MAGED1: variants seen among roughly 807,000 people sequenced by gnomAD.
The protein encoded by MAGED1 is melanoma-associated antigen D1.
Under a neutral mutation model 54.1 loss-of-function variants are expected in MAGED1, and 3 were observed. The ratio of observed to expected loss-of-function variants is 0.06; its 90% CI spans 0.03 to 0.14. The LOEUF is 0.14. Among genes scored for constraint, MAGED1 ranks in the 10% least tolerant of loss-of-function variants. The pLI is 1.00. For synonymous variants in MAGED1, 217 were observed against 227.3 expected (o/e 0.95, Z 0.41); for missense variants, 485 against 623.4 (o/e 0.78, Z 2.36).
chrX:51,844,095 G>C (rs1926599939), intron 1 of MAGED1, among the ~76,000 whole-genome samples: 1 of 111,645 alleles, frequency 9.0e-6, no homozygotes, highest in Non-Finnish European at 1.9e-5. Context: ...AGCACAGAAG[G>C]AAATAAGGAA....
intron 3 of MAGED1, 198 bp from the exon 4 acceptor site, chrX:51,896,211 T>C (rs1036506284): frequency 1.4e-5 from 6 of 438,542 alleles, no homozygotes; most frequent in Admixed American, 8.3e-5. Flanking sequence ...AGGCCCCATC[T>C]TTGGGTTGCT....
intron 1 of MAGED1, among the ~76,000 whole-genome samples, chrX:51,837,674 C>T (rs982414505): frequency 5.4e-5 from 6 of 112,028 alleles, no homozygotes; most frequent in Non-Finnish European, 1.1e-4. Context: ...CCTATATTAA[C>T]GCATGAGAGG....
At chrX:51,879,776 G>A (rs1267060228) in intron 1 of MAGED1, among the ~76,000 whole-genome samples, 2 of 111,753 alleles carry the variant, frequency 1.8e-5, no homozygotes, top group African/African-American at 3.2e-5. Context: ...TTCTCTGACA[G>A]GTCCAAAAAA....
At chrX:51,813,351 C>T (rs1925297573) in intron 1 of MAGED1, among the ~76,000 whole-genome samples, 1 of 111,200 alleles carries the variant, frequency 9.0e-6, no homozygotes, top group African/African-American at 3.3e-5. Context: ...AGCCTCACCT[C>T]TCCCTCTTCA....
At chrX:51,845,843 A>G (rs1179305722) in intron 1 of MAGED1, among the ~76,000 whole-genome samples, 1 of 111,312 alleles carries the variant, frequency 9.0e-6, no homozygotes, top group Non-Finnish European at 1.9e-5. Flanking sequence ...TGGCGTGACC[A>G]TGGCTCACTG....
chrX:51,892,954 A>G (rs1336935777), upstream of MAGED1, among the ~76,000 whole-genome samples: 1 of 110,957 alleles, frequency 9.0e-6, no homozygotes, highest in Non-Finnish European at 1.9e-5. Context: ...TCCTGCTGTG[A>G]TGTACAAGCT....
chrX:51,847,284 C>A (rs1465883019), intron 1 of MAGED1, among the ~76,000 whole-genome samples: 1 of 111,459 alleles, frequency 9.0e-6, no homozygotes, highest in African/African-American at 3.3e-5. Flanking sequence ...TTTTGGGTCA[C>A]GTTTTTGGAC....
intron 1 of MAGED1, among the ~76,000 whole-genome samples, chrX:51,829,200 A>G (rs1569555560): frequency 8.9e-6 from 1 of 111,817 alleles, no homozygotes; most frequent in African/African-American, 3.2e-5. Flanking sequence ...TCAAGGAAAA[A>G]TAAGTATTCA....
chrX:51,897,322 G>T lies in MAGED1; in HGVS notation c.1486+51G>T. The T allele has an allele frequency of 6.4e-6, 7 of 1,094,426 alleles. No homozygotes were observed. The South Asian group carries it at 1.3e-4, about 21-fold the overall frequency. 90.2% of individuals were successfully genotyped at this position (1,094,426 alleles called of 1,213,427 possible). ...AGCTCTGCCCTTCCCTTCACTCCAT[G>T]CTCTGTCAGCATTCTTCTGCTTGTA... On this transcript the variant is annotated intron_variant, in intron 5 of 12. Coordinates refer to ENST00000326587, the MANE Select transcript of MAGED1 (RefSeq NM_006986.4).
chrX:51,820,752 G>A (rs782056698), intron 1 of MAGED1, among the ~76,000 whole-genome samples: 59 of 111,725 alleles, frequency 5.3e-4, no homozygotes, highest in South Asian at 1.5e-3. Context: ...TCATTTCCTT[G>A]TGGTAAGAAC....
In MAGED1 at chrX:51,894,636, G is replaced by T. The variant is rs781866143; in HGVS notation, c.45+287G>T. ...TTTTTTTTTTTTCCAGAATCCTGAC[G>T]CTTGTAGAGCAGTCTGTCACCCCCT... On this transcript the variant is annotated intron_variant, in intron 2 of 12. Coordinates refer to ENST00000326587, the MANE Select transcript of MAGED1 (RefSeq NM_006986.4). 5.9e-6 allele frequency: 7 copies of T among 1,188,513 alleles called. No homozygotes were observed. In the Admixed American group the frequency reaches 1.7e-4, roughly 28 times the overall value.
At chrX:51,854,824 T>C (rs1927028369) in intron 1 of MAGED1, among the ~76,000 whole-genome samples, 1 of 111,222 alleles carries the variant, frequency 9.0e-6, no homozygotes, top group South Asian at 3.9e-4. Flanking sequence ...TTTGTGTGTA[T>C]GCCCAGTTAC....
intron 1 of MAGED1, among the ~76,000 whole-genome samples, chrX:51,811,442 T>C (rs1602205610): frequency 2.7e-5 from 3 of 112,210 alleles, no homozygotes. Flanking sequence ...CACAGGTTTG[T>C]GGTTTACCGG....
intron 1 of MAGED1, among the ~76,000 whole-genome samples, chrX:51,814,983 A>G (rs1284173967): frequency 1.2e-4 from 13 of 106,597 alleles, no homozygotes; most frequent in African/African-American, 3.4e-4. Context: ...AAAAAAAAAA[A>G]AAAAAAGAAA....
chrX:51,870,437 T>C (rs1214952534), intron 1 of MAGED1, among the ~76,000 whole-genome samples: 2 of 111,993 alleles, frequency 1.8e-5, no homozygotes, highest in Non-Finnish European at 3.8e-5. Flanking sequence ...TGTGCTCTAC[T>C]CCTAAAATAT....
intron 1 of MAGED1, among the ~76,000 whole-genome samples, chrX:51,879,610 T>A (rs971105781): frequency 9.0e-6 from 1 of 111,557 alleles, no homozygotes; most frequent in African/African-American, 3.3e-5. Flanking sequence ...TTGGTGTCTG[T>A]CATTAATTTT....
intron 1 of MAGED1, among the ~76,000 whole-genome samples, chrX:51,805,627 T>C (rs782185927): frequency 9.1e-6 from 1 of 109,911 alleles, no homozygotes; most frequent in Non-Finnish European, 1.9e-5. Context: ...ATAATGCCTC[T>C]TTTTACCAGA....
At chrX:51,804,170 C>T (rs1341803728) in intron 1 of MAGED1, among the ~76,000 whole-genome samples, 1 of 111,742 alleles carries the variant, frequency 8.9e-6, no homozygotes, top group African/African-American at 3.3e-5. Context: ...CTTGTGAGAA[C>T]ATTAGTTATT....
chrX:51,854,901 C>A (rs1434638078), intron 1 of MAGED1, among the ~76,000 whole-genome samples: 1 of 111,099 alleles, frequency 9.0e-6, no homozygotes, highest in African/African-American at 3.3e-5. Context: ...ACGTTCTTCC[C>A]AATCCTTGCT....
Sources: allele counts gnomAD v4.1 joint callset (sites outside exome capture counted in the v4.1 genomes callset), GRCh38; gene constraint gnomAD v4.1.1; transcripts MANE v1.5; gene names NCBI Gene and HGNC (gene_info 2026-07-23, HGNC 2026-07-21).